Variants in RBMXL3 observed in about 807,000 individuals in gnomAD.
The protein encoded by RBMXL3 is RBMX like 3, also known as RNA-binding motif protein, X-linked-like-3.
A neutral mutation model predicts 0.8 loss-of-function variants in RBMXL3; 2 were observed. That is an observed-to-expected ratio of 2.54 (90% confidence interval 1.04 to 8.00). The LOEUF (loss-of-function observed/expected upper bound fraction) is 8.00, where lower values mean the gene tolerates loss of function less well. Ranked by LOEUF, RBMXL3 falls within the 30% of genes most tolerant of loss-of-function variation. The pLI, the probability that RBMXL3 is intolerant of heterozygous loss-of-function variation, is 0.04. For synonymous variants in RBMXL3, 447 were observed against 449.8 expected, an observed-to-expected ratio of 0.99 and a Z score of 0.08; for missense variants, 1,127 against 1,068.0, an observed-to-expected ratio of 1.06 and a Z score of -0.77.
chrX:115,190,565 A>G lies in RBMXL3; in HGVS notation c.1124A>G (p.Asn375Ser). 8.9e-7 allele frequency: 1 copy of G among 1,124,154 alleles called. No homozygotes were observed. The highest frequency in any genetic ancestry group is 1.2e-6 in the Non-Finnish European group (1 of 851,452). 92.6% of individuals were successfully genotyped at this position (1,124,154 alleles called of 1,213,427 possible). Reference protein sequence around the residue: ...AYSGGRSSSSNGYSRSDRYGE... With the variant: ...AYSGGRSSSSSGYSRSDRYGE... The stretch of plus-strand genomic sequence containing the variant: ...AGTGGGGGCCGCAGCAGTTCCAGTA[A>G]CGGTTACAGCCGGAGTGACCGCTAC... The change falls in exon 1 of 1, where the codon AAC becomes AGC. Residue 375 changes from asparagine (N) to serine (S), a missense_variant. Physicochemically the swap from Asn to Ser is conservative, Grantham distance 46 (BLOSUM62 1). Transcript: ENST00000424776.
chrX:115,190,875 G>A lies in RBMXL3; in HGVS notation c.1434G>A (p.Ser478=), dbSNP rs371962866. The A allele has an allele frequency of 2.8e-5, 33 of 1,158,798 alleles. No homozygotes were observed. The African/African-American group carries it at 4.1e-4, about 14-fold the overall frequency. The part of the protein sequence containing the change: ...GGRYEEYQGR[S]LDANSGGCSP... ...GTTATGAGGAGTACCAAGGCCGCTC[G>A]CTGGATGCCAACAGTGGAGGCTGCT... Residue 478 remains serine, a synonymous_variant, in exon 1 of 1, where the codon TCG becomes TCA. Transcript: ENST00000424776.
In RBMXL3 at chrX:115,192,596, G is replaced by GGCCT; in HGVS notation, c.3155_3156insGCCT (p.Arg1053ProfsTer40). The stretch of plus-strand genomic sequence containing the variant: ...GGCTGCAGGGTGCCCAGGGGCGGAG[G>GGCCT]CCGTCAAGGAGGCCGCTTCGAGAGG... On this transcript the variant is annotated frameshift_variant, in exon 1 of 1. Transcript: ENST00000424776. LOFTEE classifies it high-confidence loss of function. The GGCCT allele has an allele frequency of 2.6e-6, 3 of 1,171,448 alleles. No homozygotes were observed. Among genetic ancestry groups the GGCCT allele is most frequent in the Non-Finnish European group, 3.4e-6 (3 of 874,862 alleles).
At position 115,192,660 on chromosome X, in the gene RBMXL3, G is replaced by T; in HGVS notation, c.*15G>T. ...GCAGATACTAAGCAGGAACAGACTT[G>T]GGCCCAAAAATTCCTTTTCAAAGAA... On this transcript the variant is annotated 3_prime_UTR_variant, in exon 1 of 1. Coordinates refer to ENST00000424776, the MANE Select transcript of RBMXL3 (RefSeq NM_001145346.2). 8.6e-7 allele frequency: 1 copy of T among 1,163,917 alleles called. No homozygotes were observed. Among genetic ancestry groups the T allele is most frequent in the South Asian group, 1.9e-5 (1 of 52,600 alleles).
chrX:115,192,049 G>T lies in RBMXL3; in HGVS notation c.2608G>T (p.Asp870Tyr), dbSNP rs1252288048. 2 of 1,166,716 alleles carry T rather than the reference G, an allele frequency of 1.7e-6. No homozygotes were observed. Residue 870 changes from aspartate (D) to tyrosine (Y), a missense_variant, in exon 1 of 1, where the codon GAC (aspartate) becomes TAC (tyrosine). Physicochemically the swap from Asp to Tyr is radical, Grantham distance 160. Transcript: ENST00000424776. ...CGAAGAGTACCGAGGCCGCTCGCACGACACCCACAGCAGGGGCCGATCGCC... is the reference window on the plus strand; with the variant it reads ...CGAAGAGTACCGAGGCCGCTCGCACTACACCCACAGCAGGGGCCGATCGCC... ...HYEEYRGRSHDTHSRGRSPDA... is the reference protein window; with the variant it reads ...HYEEYRGRSHYTHSRGRSPDA...
At position 115,189,978 on chromosome X, in the gene RBMXL3, C is replaced by T. The variant is rs782820825; in HGVS notation, c.537C>T (p.Arg179=). The T allele has an allele frequency of 6.5e-5, 76 of 1,162,217 alleles. No individual in the cohort carries two copies. Among genetic ancestry groups the T allele is most frequent in the Middle Eastern group, 2.3e-4 (1 of 4,259 alleles). The part of the protein sequence containing the change: ...SLAHSVGCGM[R]GKAPTVSGQD... The stretch of plus-strand genomic sequence containing the variant: ...CTCACAGCGTTGGCTGTGGAATGCG[C>T]GGGAAGGCACCGACTGTGTCGGGGC... The change falls in exon 1 of 1, where the codon CGC becomes CGT. Residue 179 remains arginine, a synonymous_variant. Coordinates refer to ENST00000424776, the MANE Select transcript of RBMXL3 (RefSeq NM_001145346.2).
Position 115,192,193 on chromosome X carries a change from G to A in RBMXL3, c.2752G>A (p.Gly918Ser), listed in dbSNP as rs1330513381. 2.4e-5 allele frequency: 28 copies of A among 1,164,199 alleles called. No homozygotes were observed. The highest frequency in any genetic ancestry group is 3.2e-5 in the Non-Finnish European group (28 of 872,310). Residue 918 changes from glycine (G) to serine (S), a missense_variant, in exon 1 of 1, where the codon GGC (glycine) becomes AGC (serine). Gly to Ser is a moderately conservative substitution (Grantham distance 56). Transcript: ENST00000424776. ...AGGAGGCTGCTACGAGGAATACCAA[G>A]GCCGCTCGCCCAATGCCTACGGCGG... ...GRGGCYEEYQ[G>S]RSPNAYGGGR... is the part of the protein sequence containing the mutation.
At position 115,190,193 on chromosome X, in the gene RBMXL3, A is replaced by G. The variant is rs1556556904; in HGVS notation, c.752A>G (p.Asp251Gly). The change falls in exon 1 of 1, where the codon GAT (aspartate) becomes GGT (glycine). Residue 251 changes from aspartate to glycine, a missense_variant. Coordinates refer to ENST00000424776, the MANE Select transcript of RBMXL3 (RefSeq NM_001145346.2). ...EPLPPCRDPGDFVPALRDYSR... is the reference protein window; with the variant it reads ...EPLPPCRDPGGFVPALRDYSR... The stretch of plus-strand genomic sequence containing the variant: ...CTGCCCCCGTGCCGCGACCCTGGGG[A>G]TTTTGTCCCTGCGCTCAGAGACTAC... 1 of 1,165,778 alleles carries G rather than the reference A, an allele frequency of 8.6e-7. No individual in the cohort carries two copies. The highest frequency in any genetic ancestry group is 1.9e-5 in the South Asian group (1 of 52,628).
chrX:115,192,051 C>A lies in RBMXL3; in HGVS notation c.2610C>A (p.Asp870Glu). Reference sequence around the variant, plus strand: ...AAGAGTACCGAGGCCGCTCGCACGACACCCACAGCAGGGGCCGATCGCCCG... The same window carrying A: ...AAGAGTACCGAGGCCGCTCGCACGAAACCCACAGCAGGGGCCGATCGCCCG... ...HYEEYRGRSH[D>E]THSRGRSPDA... Residue 870 changes from aspartate to glutamate, a missense_variant, in exon 1 of 1, where the codon GAC becomes GAA. By Grantham distance (45) the Asp-to-Glu change is conservative (BLOSUM62 2). Coordinates refer to ENST00000424776, the MANE Select transcript of RBMXL3 (RefSeq NM_001145346.2). 1 of 1,166,436 alleles carries A rather than the reference C, an allele frequency of 8.6e-7. No individual in the cohort carries two copies. The highest frequency in any genetic ancestry group is 1.1e-6 in the Non-Finnish European group (1 of 872,564).
Position 115,192,170 on chromosome X carries a change from G to A in RBMXL3, c.2729G>A (p.Gly910Glu), listed in dbSNP as rs1556560908. The change falls in exon 1 of 1, where the codon GGA becomes GAA. Residue 910 changes from glycine (G) to glutamate (E), a missense_variant. Physicochemically the swap from Gly to Glu is moderately conservative, Grantham distance 98 (BLOSUM62 -2). Transcript: ENST00000424776. ...SYGRSDHYGR[G>E]GCYEEYQGRS... ...GGCCGGAGTGACCATTACGGAAGAG[G>A]AGGCTGCTACGAGGAATACCAAGGC... 2 of 1,167,206 alleles carry A rather than the reference G, an allele frequency of 1.7e-6. No individual in the cohort carries two copies.
At position 115,190,377 on chromosome X, in the gene RBMXL3, C is replaced by T. The variant is rs782770623; in HGVS notation, c.936C>T (p.Gly312=). 105 of 1,161,053 alleles carry T rather than the reference C, an allele frequency of 9.0e-5. No homozygotes were observed. The highest frequency in any genetic ancestry group is 2.9e-4 in the African/African-American group (16 of 55,781). The change falls in exon 1 of 1, where the codon GGC becomes GGT. Residue 312 remains glycine, a synonymous_variant. Coordinates refer to ENST00000424776, the MANE Select transcript of RBMXL3 (RefSeq NM_001145346.2). ...TCAAGAGCTACGGAGGCCCATGCGG[C>T]GCTGCCCCTGTGTGGGGGACACCGC... The part of the protein sequence containing the change: ...EPLKSYGGPC[G]AAPVWGTPPS...
rs782181885 is a variant in RBMXL3 at position 115,190,259 on chromosome X, G to A, written c.818G>A (p.Arg273His). 2.0e-4 allele frequency: 229 copies of A among 1,155,564 alleles called. No individual in the cohort carries two copies. The East Asian group carries it at 4.1e-3, about 21-fold the overall frequency. ...YYGHSSVPDYRPLRGDGNQNG... is the reference protein window; with the variant it reads ...YYGHSSVPDYHPLRGDGNQNG... ...GGCCACTCCAGTGTCCCGGACTACC[G>A]TCCCTTGAGAGGCGACGGCAACCAA... Residue 273 changes from arginine to histidine, a missense_variant, in exon 1 of 1, where the codon CGT (arginine) becomes CAT (histidine). Physicochemically the swap from Arg to His is conservative, Grantham distance 29. Transcript: ENST00000424776.
Position 115,190,393 on chromosome X carries a change from G to A in RBMXL3, c.952G>A (p.Gly318Arg), listed in dbSNP as rs1556557151. 8 of 1,161,902 alleles carry A rather than the reference G, an allele frequency of 6.9e-6. No individual in the cohort carries two copies. The highest frequency in any genetic ancestry group is 1.9e-5 in the South Asian group (1 of 51,697). ...CCCATGCGGCGCTGCCCCTGTGTGG[G>A]GGACACCGCCATCTTATGGAGGAGG... ...GGPCGAAPVW[G>R]TPPSYGGGCR... Residue 318 changes from glycine to arginine, a missense_variant, in exon 1 of 1, where the codon GGG becomes AGG. Coordinates refer to ENST00000424776, the MANE Select transcript of RBMXL3 (RefSeq NM_001145346.2).
rs1244397084 is a variant in RBMXL3, at chrX:115,191,752, C to T, written c.2311C>T (p.His771Tyr). The T allele has an allele frequency of 9.6e-7, 1 of 1,042,467 alleles. No homozygotes were observed. Among genetic ancestry groups the T allele is most frequent in the Non-Finnish European group, 1.2e-6 (1 of 807,248 alleles). 85.9% of individuals were successfully genotyped at this position (1,042,467 alleles called of 1,213,427 possible). Residue 771 changes from histidine (H) to tyrosine (Y), a missense_variant, in exon 1 of 1, where the codon CAC becomes TAC. His to Tyr is a moderately conservative substitution (Grantham distance 83). Transcript: ENST00000424776. The stretch of plus-strand genomic sequence containing the variant: ...GGGCCATGACAGTTCCAGCCGGAGC[C>T]ACCGCTACGGAGGAGGAGGCCGCTA... ...SGGHDSSSRS[H>Y]RYGGGGRYEE...
rs1398975347 is a variant in RBMXL3 at position 115,192,028 on chromosome X, G to A, written c.2587G>A (p.Glu863Lys). The change falls in exon 1 of 1, where the codon GAG becomes AAG. Residue 863 changes from glutamate (E) to lysine (K), a missense_variant. Transcript: ENST00000424776. ...HRYGGGGHYE[E>K]YRGRSHDTHS... Reference sequence around the variant, plus strand: ...CTATGGAGGAGGAGGCCACTACGAAGAGTACCGAGGCCGCTCGCACGACAC... The same window carrying A: ...CTATGGAGGAGGAGGCCACTACGAAAAGTACCGAGGCCGCTCGCACGACAC... 1.7e-6 allele frequency: 2 copies of A among 1,166,208 alleles called. No homozygotes were observed. The highest frequency in any genetic ancestry group is 3.6e-5 in the African/African-American group (2 of 55,763).
At position 115,191,791 on chromosome X, in the gene RBMXL3, G is replaced by A. The variant is rs1556560109; in HGVS notation, c.2350G>A (p.Gly784Ser). Reference sequence around the variant, plus strand: ...AGGAGGCCGCTACGAGGAGTACCGAGGCCGCTCGCTCGATGCCAACAGCGG... The same window carrying A: ...AGGAGGCCGCTACGAGGAGTACCGAAGCCGCTCGCTCGATGCCAACAGCGG... ...GGGGRYEEYR[G>S]RSLDANSGGR... Residue 784 changes from glycine (G) to serine (S), a missense_variant, in exon 1 of 1, where the codon GGC (glycine) becomes AGC (serine). Physicochemically the swap from Gly to Ser is moderately conservative, Grantham distance 56. Transcript: ENST00000424776. The A allele has an allele frequency of 2.6e-6, 3 of 1,157,157 alleles. No individual in the cohort carries two copies. The highest frequency in any genetic ancestry group is 5.3e-5 in the Admixed American group (2 of 37,825).
In RBMXL3 at chrX:115,190,841, G is replaced by C. The variant is rs868973872; in HGVS notation, c.1400G>C (p.Gly467Ala). ...DSSSWSDCCG[G>A]GGRYEEYQGR... ...TCCAGCTGGAGCGACTGCTGCGGAGGAGGAGGCCGTTATGAGGAGTACCAA... is the reference window on the plus strand; with the variant it reads ...TCCAGCTGGAGCGACTGCTGCGGAGCAGGAGGCCGTTATGAGGAGTACCAA... Residue 467 changes from glycine (G) to alanine (A), a missense_variant, in exon 1 of 1, where the codon GGA becomes GCA. By Grantham distance (60) the Gly-to-Ala change is moderately conservative. Coordinates refer to ENST00000424776, the MANE Select transcript of RBMXL3 (RefSeq NM_001145346.2). The C allele has an allele frequency of 1.0e-4, 117 of 1,151,687 alleles. No individual in the cohort carries two copies. Among genetic ancestry groups the C allele is most frequent in the Non-Finnish European group, 1.3e-4 (112 of 864,917 alleles). The allele number at this position is 1,151,687 out of a possible 1,213,427, so 94.9% of individuals were successfully genotyped here.
chrX:115,191,457 C>T lies in RBMXL3; in HGVS notation c.2016C>T (p.Tyr672=), dbSNP rs1556559371. ...GAGGAGGAGGCCGCTACGAGGAGTA[C>T]CGAGGCCGCTTGCTCGATGCCAACA... is the stretch of plus-strand genomic sequence containing the variant. ...CYGGGGRYEE[Y]RGRLLDANSG... is the part of the protein sequence containing the mutation. Residue 672 remains tyrosine, a synonymous_variant, in exon 1 of 1, where the codon TAC becomes TAT. Coordinates refer to ENST00000424776, the MANE Select transcript of RBMXL3 (RefSeq NM_001145346.2). 2.6e-6 allele frequency: 3 copies of T among 1,147,053 alleles called. No individual in the cohort carries two copies. The highest frequency in any genetic ancestry group is 6.9e-5 in the East Asian group (2 of 28,935). 94.5% of individuals were successfully genotyped at this position (1,147,053 alleles called of 1,213,427 possible). A position where few individuals can be genotyped will look rare whatever the true frequency, so the allele number is the denominator to read the frequency against.
chrX:115,192,333 C>T lies in RBMXL3; in HGVS notation c.2892C>T (p.Arg964=), dbSNP rs1194745381. Residue 964 remains arginine (R), a synonymous_variant, in exon 1 of 1, where the codon CGC becomes CGT. Transcript: ENST00000424776. ...CGCCTGACGCCCACAGTGGGGGCCGCGACAGTTCCATCAAGAGTTACGGCC... is the reference window on the plus strand; with the variant it reads ...CGCCTGACGCCCACAGTGGGGGCCGTGACAGTTCCATCAAGAGTTACGGCC... ...GPSPDAHSGG[R]DSSIKSYGLS... is the part of the protein sequence containing the mutation. 11 of 1,079,920 alleles carry T rather than the reference C, an allele frequency of 1.0e-5. No individual in the cohort carries two copies. The Admixed American group carries it at 1.7e-4, about 17-fold the overall frequency. 89.0% of individuals were successfully genotyped at this position (1,079,920 alleles called of 1,213,427 possible).
rs782711989 is a variant in RBMXL3 at position 115,191,601 on chromosome X, C to T, written c.2160C>T (p.Ser720=). 3.6e-5 allele frequency: 39 copies of T among 1,076,586 alleles called. No individual in the cohort carries two copies. Among genetic ancestry groups the T allele is most frequent in the South Asian group, 1.3e-4 (6 of 46,241 alleles). 88.7% of individuals were successfully genotyped at this position (1,076,586 alleles called of 1,213,427 possible). The part of the protein sequence containing the change: ...EYRGHSLDAN[S]GGRSPDTYSR... ...GAGGCCACTCGCTTGATGCCAACAG[C>T]GGAGGCCGCTCGCCTGACACCTACA... is the stretch of plus-strand genomic sequence containing the variant. Residue 720 remains serine, a synonymous_variant, in exon 1 of 1, where the codon AGC becomes AGT. Coordinates refer to ENST00000424776, the MANE Select transcript of RBMXL3 (RefSeq NM_001145346.2).
Sources: allele counts gnomAD v4.1 joint callset, GRCh38; gene constraint gnomAD v4.1.1; transcripts MANE v1.5; gene names NCBI Gene and HGNC (gene_info 2026-07-23, HGNC 2026-07-21).